Variants in KLHL29 observed in about 807,000 individuals in gnomAD.
KLHL29 encodes the protein kelch-like protein 29.
KLHL29 carries 21 observed loss-of-function variants against 80.4 expected under a neutral mutation model. The ratio of observed to expected loss-of-function variants is 0.26; its 90% CI spans 0.19 to 0.38. The LOEUF (loss-of-function observed/expected upper bound fraction) is 0.38, where lower values mean the gene tolerates loss of function less well. Ranked by LOEUF, KLHL29 falls within the 10% of genes least tolerant of loss-of-function variation. The probability of loss-of-function intolerance (pLI) is 1.00; values close to 1 mark genes in which losing one functional copy is unlikely to be tolerated. For synonymous variants in KLHL29, 511 were observed against 526.8 expected (o/e 0.97, Z 0.41); for missense variants, 867 against 1,223.9 (o/e 0.71, Z 4.35).
intron 2 of KLHL29, among the ~76,000 whole-genome samples, chr2:23,556,308 C>T (rs751342238): frequency 2.0e-5 from 3 of 152,064 alleles, no homozygotes; most frequent in Admixed American, 6.5e-5. Flanking sequence ...CGCGGAGGCG[C>T]AGGCGTGGTG....
At chr2:23,517,760 C>G (rs1346041387) in intron 2 of KLHL29, among the ~76,000 whole-genome samples, 1 of 152,224 alleles carries the variant, frequency 6.6e-6, no homozygotes, top group Non-Finnish European at 1.5e-5. Flanking sequence ...TCCTAGGGCA[C>G]ATTTGCTCAG....
rs1669966935 is a variant in KLHL29, at chr2:23,647,366, A to G, written c.940+4516A>G. Among the ~76,000 whole-genome samples the G allele has an allele frequency of 6.6e-6, 1 of 152,182 alleles. No individual in the cohort carries two copies. The highest frequency in any genetic ancestry group is 1.5e-5 in the Non-Finnish European group (1 of 68,034). ...GGCACAGAATTTTATCCAGACTGAA[A>G]CTGTCTTCCCACAGACCTATTCTTC... is the stretch of plus-strand genomic sequence containing the variant. On this transcript the variant is annotated intron_variant, in intron 5 of 13. Transcript: ENST00000486442. The surrounding 1 kb of genome is among the most constrained non-coding windows in gnomAD (Gnocchi z 4.9).
chr2:23,539,432 CTTTT>C (rs869075602), intron 2 of KLHL29, among the ~76,000 whole-genome samples: 2 of 25,744 alleles, frequency 7.8e-5, no homozygotes, highest in African/African-American at 2.5e-4. Context: ...ATCCTGCCTC[CTTTT>C]TTTTTTTTTT....
chr2:23,613,337 A>G (rs1016246207), intron 3 of KLHL29, among the ~76,000 whole-genome samples: 1 of 152,266 alleles, frequency 6.6e-6, no homozygotes, highest in Non-Finnish European at 1.5e-5. Flanking sequence ...GAGAAAAGGT[A>G]TAGAAAGATT....
At chr2:23,497,682 GAAT>G (rs1665309425) in intron 2 of KLHL29, among the ~76,000 whole-genome samples, 1 of 152,190 alleles carries the variant, frequency 6.6e-6, no homozygotes. Context: ...CCTCCTAAAG[GAAT>G]ATAGCCTTAA....
chr2:23,401,623 C>T (rs545088244), intron 1 of KLHL29, among the ~76,000 whole-genome samples: 2 of 152,284 alleles, frequency 1.3e-5, no homozygotes, highest in South Asian at 4.2e-4. Context: ...GCGTTATGCC[C>T]GCTCACATGT....
In KLHL29 at chr2:23,567,552, G is replaced by A. The variant is rs191448311; in HGVS notation, c.285+5071G>A. On this transcript the variant is annotated intron_variant, in intron 3 of 13. Coordinates refer to ENST00000486442, the MANE Select transcript of KLHL29 (RefSeq NM_052920.2). ...GTGTCATCATAGAGACAACGCTGGA[G>A]ATGATATCTTCCCCATGCGCTCCAG... Among the ~76,000 whole-genome samples, 35 of 152,340 alleles carry A rather than the reference G, an allele frequency of 2.3e-4. 1 individual carries two copies. Among genetic ancestry groups the A allele is most frequent in the African/African-American group, 7.9e-4 (33 of 41,584 alleles).
At chr2:23,598,787 T>C (rs568981032) in intron 3 of KLHL29, among the ~76,000 whole-genome samples, 1 of 152,298 alleles carries the variant, frequency 6.6e-6, no homozygotes, top group African/African-American at 2.4e-5. Flanking sequence ...TTTCTTCCAA[T>C]AATGGGATGG....
At chr2:23,398,212 A>G (rs1024096725) in intron 1 of KLHL29, among the ~76,000 whole-genome samples, 1 of 152,276 alleles carries the variant, frequency 6.6e-6, no homozygotes, top group Non-Finnish European at 1.5e-5. Context: ...AAGCAACCCA[A>G]GTGTCCGTCA....
At chr2:23,489,584 T>C (rs1665036729) in intron 2 of KLHL29, among the ~76,000 whole-genome samples, 1 of 152,054 alleles carries the variant, frequency 6.6e-6, no homozygotes, top group African/African-American at 2.4e-5. Flanking sequence ...ATTGAATCTG[T>C]CCTCATGAAA....
intron 3 of KLHL29, among the ~76,000 whole-genome samples, chr2:23,613,719 G>C (rs565771524): frequency 7.3e-6 from 1 of 136,140 alleles, no homozygotes; most frequent in Non-Finnish European, 1.5e-5. Context: ...AGCCGAGATC[G>C]CGCCATTGCA....
intron 1 of KLHL29, among the ~76,000 whole-genome samples, chr2:23,420,170 C>T (rs145560004): frequency 2.0e-5 from 3 of 152,256 alleles, no homozygotes; most frequent in Non-Finnish European, 4.4e-5. Flanking sequence ...TCCTGCCCAG[C>T]GACCCTCACG....
intron 2 of KLHL29, among the ~76,000 whole-genome samples, chr2:23,490,858 C>A (rs1665078655): frequency 6.6e-6 from 1 of 152,224 alleles, no homozygotes; most frequent in South Asian, 2.1e-4. Flanking sequence ...ACGGGCAGCC[C>A]TGGGCCCATC....
intron 3 of KLHL29, among the ~76,000 whole-genome samples, chr2:23,604,162 A>AT (rs869298770): frequency 1.3e-5 from 2 of 150,726 alleles, no homozygotes; most frequent in Non-Finnish European, 1.5e-5. Flanking sequence ...TATTTTTTTT[A>AT]TTTTTTTGAG....
At chr2:23,537,578 A>G (rs1300344858) in intron 2 of KLHL29, among the ~76,000 whole-genome samples, 3 of 152,178 alleles carry the variant, frequency 2.0e-5, no homozygotes, top group African/African-American at 7.2e-5. Flanking sequence ...TTATAACCAT[A>G]CAAGATACTA....
At chr2:23,661,952 A>C (rs535772470) in intron 5 of KLHL29, among the ~76,000 whole-genome samples, 4 of 152,364 alleles carry the variant, frequency 2.6e-5, no homozygotes, top group South Asian at 4.1e-4. Context: ...CAGTTGCTGT[A>C]TCCAGCGCTT....
chr2:23,526,421 G>A (rs1303127606), intron 2 of KLHL29, among the ~76,000 whole-genome samples: 1 of 152,246 alleles, frequency 6.6e-6, no homozygotes, highest in East Asian at 1.9e-4. Context: ...GAGGAGGCAC[G>A]AGGCTGGTGC....
chr2:23,548,990 C>A (rs1667055189), intron 2 of KLHL29, among the ~76,000 whole-genome samples: 1 of 152,220 alleles, frequency 6.6e-6, no homozygotes, highest in African/African-American at 2.4e-5. Context: ...CCCCGCCTGC[C>A]TCCCCAAGCT....
At chr2:23,411,979 T>C (rs1236146642) in intron 1 of KLHL29, among the ~76,000 whole-genome samples, 6 of 152,078 alleles carry the variant, frequency 3.9e-5, no homozygotes, top group Non-Finnish European at 7.4e-5. Flanking sequence ...TCTTAGGAAA[T>C]GTAGCAAAGG....
Sources: allele counts gnomAD v4.1 joint callset (sites outside exome capture counted in the v4.1 genomes callset), GRCh38; gene constraint gnomAD v4.1.1; non-coding constraint Gnocchi (gnomAD v3.1); transcripts MANE v1.5; gene names NCBI Gene and HGNC (gene_info 2026-07-23, HGNC 2026-07-21).